NPRL2: variants seen among roughly 807,000 people sequenced by gnomAD.
NPRL2 encodes GATOR1 complex protein NPRL2.
NPRL2 carries 21 observed loss-of-function variants against 51.1 expected under a neutral mutation model. The observed-to-expected ratio is 0.41, with a 90% CI of 0.29 to 0.59. The LOEUF (loss-of-function observed/expected upper bound fraction) is 0.59. NPRL2 is among the 20% of genes least tolerant of loss of function. The pLI, the probability that NPRL2 is intolerant of heterozygous loss-of-function variation, is 0.29. For missense variants in NPRL2, 376 were observed against 483.4 expected (o/e 0.78, Z 2.08); for synonymous variants, 175 against 187.8 (o/e 0.93, Z 0.56).
At position 50,348,643 on chromosome 3, in the gene NPRL2, G is replaced by C; in HGVS notation, c.683+42C>G. 6.2e-7 allele frequency: 1 copy of C among 1,613,862 alleles called. No individual in the cohort carries two copies. The highest frequency in any genetic ancestry group is 1.1e-5 in the South Asian group (1 of 91,078). On this transcript the variant is annotated intron_variant, in intron 6 of 10. Coordinates refer to ENST00000232501, the MANE Select transcript of NPRL2 (RefSeq NM_006545.5). The surrounding 1 kb of genome is among the most constrained non-coding windows in gnomAD (Gnocchi z 5.8). ...ACCCAGGGCCCCTGAGGTCTTCCCT[G>C]GCTGGTGACCTTGTCCCAGGTATGA...
At position 50,347,589 on chromosome 3, in the gene NPRL2, T is replaced by G; in HGVS notation, c.*17A>C. The G allele has an allele frequency of 6.2e-7, 1 of 1,613,984 alleles. No individual in the cohort carries two copies. Among genetic ancestry groups the G allele is most frequent in the Non-Finnish European group, 8.5e-7 (1 of 1,179,974 alleles). On this transcript the variant is annotated 3_prime_UTR_variant, in exon 11 of 11. Transcript: ENST00000232501. ...GGGACTACCCACAGCAATGTGTCCA[T>G]CCAGTCACTACCAGCCTCACTTCCA...
rs757006647 is a variant in NPRL2 at position 50,347,735 on chromosome 3, CCCTGACTGCCCG to C, written c.1075+12_1075+23del. 13 of 1,613,858 alleles carry C rather than the reference CCCTGACTGCCCG, an allele frequency of 8.1e-6. No homozygotes were observed. Among genetic ancestry groups the C allele is most frequent in the Non-Finnish European group, 9.3e-6 (11 of 1,180,028 alleles). On this transcript the variant is annotated intron_variant, in intron 10 of 10. Coordinates refer to ENST00000232501, the MANE Select transcript of NPRL2 (RefSeq NM_006545.5). ...GCCTGGCCACCCTGCCCTGAACCCA[CCCTGACTGCCCG>C]CCTGCCTCCACCTGTCTTGCAGCAG...
rs1703692040 is a variant in NPRL2, at chr3:50,349,801, G to A, written c.203C>T (p.Pro68Leu). The change falls in exon 3 of 11, where the codon CCT becomes CTT. Residue 68 changes from proline to leucine, a missense_variant. By Grantham distance (98) the Pro-to-Leu change is moderately conservative. Transcript: ENST00000232501. This position sits in a 1 kb window ranked among gnomAD's most constrained non-coding sequence, Gnocchi z 4.6. ...GTACTTCTTGTGTTCGATGCACACA[G>A]GACAGCCGATCAGCTTCTTTTCCAT... is the stretch of plus-strand genomic sequence containing the variant. ...TAMEKKLIGC[P>L]VCIEHKKYSR... The A allele has an allele frequency of 1.9e-6, 3 of 1,613,098 alleles. No individual in the cohort carries two copies. The highest frequency in any genetic ancestry group is 2.5e-6 in the Non-Finnish European group (3 of 1,179,410).
At chr3:50,347,952 A>G (rs1703616340) in intron 9 of NPRL2, 51 bp from the exon 10 acceptor site, 1 of 1,610,388 alleles carries the variant, frequency 6.2e-7, no homozygotes, top group Non-Finnish European at 8.5e-7. Context: ...GCCTTCTTTC[A>G]GGCAGGCCAA....
In NPRL2 at chr3:50,348,375, C is replaced by G. The variant is rs1703630749; in HGVS notation, c.756G>C (p.Gln252His). 3 of 1,613,800 alleles carry G rather than the reference C, an allele frequency of 1.9e-6. No homozygotes were observed. Among genetic ancestry groups the G allele is most frequent in the African/African-American group, 1.3e-5 (1 of 74,924 alleles). The change falls in exon 8 of 11, where the codon CAG becomes CAC. Residue 252 changes from glutamine (Q) to histidine (H), a missense_variant. Gln to His is a conservative substitution (Grantham distance 24). Transcript: ENST00000232501. This position sits in a 1 kb window ranked among gnomAD's most constrained non-coding sequence, Gnocchi z 5.8. ...SNVYCPTPKVQDLVDDKSLQE... is the reference protein window; with the variant it reads ...SNVYCPTPKVHDLVDDKSLQE... ...GCAGGGACTTGTCATCTACCAGGTC[C>G]TGGACCTTGGGCGTTGGGCAGTATA... is the stretch of plus-strand genomic sequence containing the variant.
At chr3:50,347,737 C>G (rs2109363760) in intron 10 of NPRL2, 22 bp downstream of exon 10, 1 of 1,613,848 alleles carries the variant, frequency 6.2e-7, no homozygotes, top group Admixed American at 1.7e-5. Flanking sequence ...TGAACCCACC[C>G]TGACTGCCCG....
Position 50,350,399 on chromosome 3 carries a change from C to T in NPRL2, c.78+176G>A, listed in dbSNP as rs114727646. On this transcript the variant is annotated intron_variant, in intron 1 of 10. Coordinates refer to ENST00000232501, the MANE Select transcript of NPRL2 (RefSeq NM_006545.5). The surrounding 1 kb of genome is among the most constrained non-coding windows in gnomAD (Gnocchi z 5.7). ...CAAACACTGCCAATGTGACGTATGT[C>T]TTCCCTGCCACATTGGGAGCCGGGG... 2,101 of 676,362 alleles carry T rather than the reference C, an allele frequency of 3.1e-3. 31 individuals are homozygous for T. In the African/African-American group the frequency reaches 0.034, roughly 11 times the overall value. The allele number at this position is 676,362 out of a possible 1,614,324, so 41.9% of individuals were successfully genotyped here. A position where few individuals can be genotyped will look rare whatever the true frequency, so the allele number is the denominator to read the frequency against.
Position 50,349,257 on chromosome 3 carries a change from G to T in NPRL2, c.448+129C>A. 1 of 907,432 alleles carries T rather than the reference G, an allele frequency of 1.1e-6. No homozygotes were observed. Among genetic ancestry groups the T allele is most frequent in the Non-Finnish European group, 1.7e-6 (1 of 583,620 alleles). The allele number at this position is 907,432 out of a possible 1,614,324, so 56.2% of individuals were successfully genotyped here. A position where few individuals can be genotyped will look rare whatever the true frequency, so the allele number is the denominator to read the frequency against. On this transcript the variant is annotated intron_variant, in intron 4 of 10. Coordinates refer to ENST00000232501, the MANE Select transcript of NPRL2 (RefSeq NM_006545.5). This position sits in a 1 kb window ranked among gnomAD's most constrained non-coding sequence, Gnocchi z 4.6. The stretch of plus-strand genomic sequence containing the variant: ...ATCATGCATTGGACCCTGGACATGG[G>T]CACCTCAGCCCATGGCTATTTCCTG...
chr3:50,348,406 G>A lies in NPRL2; in HGVS notation c.725C>T (p.Ser242Phe), dbSNP rs1343641826. 1 of 1,613,904 alleles carries A rather than the reference G, an allele frequency of 6.2e-7. No homozygotes were observed. The highest frequency in any genetic ancestry group is 1.7e-5 in the Admixed American group (1 of 60,028). Residue 242 changes from serine (S) to phenylalanine (F), a missense_variant, in exon 8 of 11, where the codon TCC (serine) becomes TTC (phenylalanine). Ser to Phe is a radical substitution (Grantham distance 155). Transcript: ENST00000232501. This position sits in a 1 kb window ranked among gnomAD's most constrained non-coding sequence, Gnocchi z 5.8. Reference protein sequence around the residue: ...VVTLVSILQYSNVYCPTPKVQ... With the variant: ...VVTLVSILQYFNVYCPTPKVQ... Reference sequence around the variant, plus strand: ...CTTGGGCGTTGGGCAGTATACATTGGAGTACTAGAGGGTAGCAGAAGGCAT... The same window carrying A: ...CTTGGGCGTTGGGCAGTATACATTGAAGTACTAGAGGGTAGCAGAAGGCAT...
Position 50,347,541 on chromosome 3 carries a change from G to C in NPRL2, c.*65C>G. On this transcript the variant is annotated 3_prime_UTR_variant, in exon 11 of 11. Transcript: ENST00000232501. ...AGAACTAAGAGTCAACCTCTAGACAGTATGACAAGCCTCCTAGTAGGAGGG... is the reference window on the plus strand; with the variant it reads ...AGAACTAAGAGTCAACCTCTAGACACTATGACAAGCCTCCTAGTAGGAGGG... The C allele has an allele frequency of 6.3e-7, 1 of 1,582,574 alleles. No individual in the cohort carries two copies. The highest frequency in any genetic ancestry group is 8.6e-7 in the Non-Finnish European group (1 of 1,156,420).
At position 50,350,007 on chromosome 3, in the gene NPRL2, T is replaced by C. The variant is rs746905245; in HGVS notation, c.94A>G (p.Ile32Val). 68 of 1,613,752 alleles carry C rather than the reference T, an allele frequency of 4.2e-5. No homozygotes were observed. The highest frequency in any genetic ancestry group is 5.6e-5 in the Non-Finnish European group (66 of 1,180,008). Residue 32 changes from isoleucine (I) to valine (V), a missense_variant, in exon 2 of 11, where the codon ATC (isoleucine) becomes GTC (valine). Physicochemically the swap from Ile to Val is conservative, Grantham distance 29. Transcript: ENST00000232501. This position sits in a 1 kb window ranked among gnomAD's most constrained non-coding sequence, Gnocchi z 5.7. ...ACTGTGTCAAACAGCTCTCGGGAGATGAAGTCTTCAGGGACCTGGGGAGGG... is the reference window on the plus strand; with the variant it reads ...ACTGTGTCAAACAGCTCTCGGGAGACGAAGTCTTCAGGGACCTGGGGAGGG... The part of the protein sequence containing the change: ...KITYQVPEDF[I>V]SRELFDTVQV...
In NPRL2 at chr3:50,347,429, G is replaced by A; in HGVS notation, c.*177C>T. Reference sequence around the variant, plus strand: ...GATGGCGATCTAGCCCACGGCTCGTGGCTATTTCATTCACTGCTGGGTCTC... The same window carrying A: ...GATGGCGATCTAGCCCACGGCTCGTAGCTATTTCATTCACTGCTGGGTCTC... On this transcript the variant is annotated 3_prime_UTR_variant, in exon 11 of 11. Coordinates refer to ENST00000232501, the MANE Select transcript of NPRL2 (RefSeq NM_006545.5). 1.5e-6 allele frequency: 1 copy of A among 653,988 alleles called. No individual in the cohort carries two copies. Among genetic ancestry groups the A allele is most frequent in the Non-Finnish European group, 2.6e-6 (1 of 384,160 alleles). 40.5% of individuals were successfully genotyped at this position (653,988 alleles called of 1,614,324 possible). A position where few individuals can be genotyped will look rare whatever the true frequency, so the allele number is the denominator to read the frequency against.
In NPRL2 at chr3:50,348,729, T is replaced by C. The variant is rs1466144520; in HGVS notation, c.639A>G (p.Ala213=). Reference sequence around the variant, plus strand: ...TGCGCACCAGGTTGAGCTCCACATCTGCCTCTGCTGAAATCTTCTGGATGT... The same window carrying C: ...TGCGCACCAGGTTGAGCTCCACATCCGCCTCTGCTGAAATCTTCTGGATGT... The part of the protein sequence containing the change: ...FRHIQKISAE[A]DVELNLVRIA... Residue 213 remains alanine (A), a synonymous_variant, in exon 6 of 11, where the codon GCA becomes GCG. Coordinates refer to ENST00000232501, the MANE Select transcript of NPRL2 (RefSeq NM_006545.5). The surrounding 1 kb of genome is among the most constrained non-coding windows in gnomAD (Gnocchi z 5.8). 5.0e-6 allele frequency: 8 copies of C among 1,613,908 alleles called. No homozygotes were observed. In the Admixed American group the frequency reaches 1.3e-4, roughly 27 times the overall value.
Position 50,348,855 on chromosome 3 carries a change from C to T in NPRL2, c.585+19G>A. On this transcript the variant is annotated intron_variant, in intron 5 of 10. Transcript: ENST00000232501. This position sits in a 1 kb window ranked among gnomAD's most constrained non-coding sequence, Gnocchi z 5.8. Reference sequence around the variant, plus strand: ...TGTGGCCAGCCCCAGGTGATGATACCCAGGGAGGGATGGCATACTTGTTGT... The same window carrying T: ...TGTGGCCAGCCCCAGGTGATGATACTCAGGGAGGGATGGCATACTTGTTGT... The T allele has an allele frequency of 6.2e-7, 1 of 1,613,900 alleles. No homozygotes were observed. Among genetic ancestry groups the T allele is most frequent in the Non-Finnish European group, 8.5e-7 (1 of 1,179,944 alleles).
Position 50,350,421 on chromosome 3 carries a change from G to T in NPRL2, c.78+154C>A. 2.7e-6 allele frequency: 2 copies of T among 751,572 alleles called. No homozygotes were observed. Among genetic ancestry groups the T allele is most frequent in the Non-Finnish European group, 4.3e-6 (2 of 469,812 alleles). 46.6% of individuals were successfully genotyped at this position (751,572 alleles called of 1,614,324 possible). On this transcript the variant is annotated intron_variant, in intron 1 of 10. Coordinates refer to ENST00000232501, the MANE Select transcript of NPRL2 (RefSeq NM_006545.5). This position sits in a 1 kb window ranked among gnomAD's most constrained non-coding sequence, Gnocchi z 5.7. Reference sequence around the variant, plus strand: ...TGTCTTCCCTGCCACATTGGGAGCCGGGGGCCTGGGTCTGACTATCCTCTA... The same window carrying T: ...TGTCTTCCCTGCCACATTGGGAGCCTGGGGCCTGGGTCTGACTATCCTCTA...
Position 50,350,489 on chromosome 3 carries a change from G to A in NPRL2, c.78+86C>T. 3 of 1,361,048 alleles carry A rather than the reference G, an allele frequency of 2.2e-6. No individual in the cohort carries two copies. In the East Asian group the frequency reaches 7.5e-5, roughly 34 times the overall value. The allele number at this position is 1,361,048 out of a possible 1,614,324, so 84.3% of individuals were successfully genotyped here. A position where few individuals can be genotyped will look rare whatever the true frequency, so the allele number is the denominator to read the frequency against. ...GAATGAAGCAGCATGCCTGCGTGCA[G>A]CACGGGAAACTACTGCCTTCAGGCA... On this transcript the variant is annotated intron_variant, in intron 1 of 10. Transcript: ENST00000232501. The surrounding 1 kb of genome is among the most constrained non-coding windows in gnomAD (Gnocchi z 5.7).
In NPRL2 at chr3:50,348,455, G is replaced by A; in HGVS notation, c.721-45C>T. ...ATAGGGGCCTGAGTGAGGGGCTTGG[G>A]AAGCTGACACAGCCCTGGTCTGGTC... is the stretch of plus-strand genomic sequence containing the variant. On this transcript the variant is annotated intron_variant, in intron 7 of 10. Transcript: ENST00000232501. This position sits in a 1 kb window ranked among gnomAD's most constrained non-coding sequence, Gnocchi z 5.8. 6.2e-7 allele frequency: 1 copy of A among 1,613,242 alleles called. No homozygotes were observed. The highest frequency in any genetic ancestry group is 1.1e-5 in the South Asian group (1 of 91,070).
Position 50,349,707 on chromosome 3 carries a change from C to T in NPRL2, c.297G>A (p.Glu99=). Reference sequence around the variant, plus strand: ...AGCCAGCCAGCTTTTTAACAATGGGCTCGAGGGCGCAGGTCTTGGCCTGGG... The same window carrying T: ...AGCCAGCCAGCTTTTTAACAATGGGTTCGAGGGCGCAGGTCTTGGCCTGGG... ...CDAQAKTCAL[E]PIVKKLAGYL... Residue 99 remains glutamate, a synonymous_variant, in exon 3 of 11, where the codon GAG becomes GAA. Coordinates refer to ENST00000232501, the MANE Select transcript of NPRL2 (RefSeq NM_006545.5). The surrounding 1 kb of genome is among the most constrained non-coding windows in gnomAD (Gnocchi z 4.6). 6.2e-7 allele frequency: 1 copy of T among 1,613,810 alleles called. No individual in the cohort carries two copies. Among genetic ancestry groups the T allele is most frequent in the Non-Finnish European group, 8.5e-7 (1 of 1,179,906 alleles).
Position 50,350,490 on chromosome 3 carries a change from C to A in NPRL2, c.78+85G>T. On this transcript the variant is annotated intron_variant, in intron 1 of 10. Coordinates refer to ENST00000232501, the MANE Select transcript of NPRL2 (RefSeq NM_006545.5). The surrounding 1 kb of genome is among the most constrained non-coding windows in gnomAD (Gnocchi z 5.7). ...AATGAAGCAGCATGCCTGCGTGCAG[C>A]ACGGGAAACTACTGCCTTCAGGCAG... 7.3e-7 allele frequency: 1 copy of A among 1,362,516 alleles called. No individual in the cohort carries two copies. The allele number at this position is 1,362,516 out of a possible 1,614,324, so 84.4% of individuals were successfully genotyped here. A position where few individuals can be genotyped will look rare whatever the true frequency, so the allele number is the denominator to read the frequency against.
Sources: allele counts gnomAD v4.1 joint callset, GRCh38; gene constraint gnomAD v4.1.1; non-coding constraint Gnocchi (gnomAD v3.1); transcripts MANE v1.5; gene names NCBI Gene and HGNC (gene_info 2026-07-23, HGNC 2026-07-21).